Variants in FMN1 observed in about 807,000 individuals in gnomAD.
The protein encoded by FMN1 is formin-1.
A neutral mutation model predicts 132.4 loss-of-function variants in FMN1; 110 were observed. The observed-to-expected ratio is 0.83, with a 90% CI of 0.71 to 0.97. The LOEUF (loss-of-function observed/expected upper bound fraction) is 0.97, where lower values mean the gene tolerates loss of function less well. Among genes scored for constraint, FMN1 ranks in the 50% least tolerant of loss-of-function variants. FMN1 has a pLI of 0.00. For missense variants in FMN1, 1,792 were observed against 1,705.3 expected, an observed-to-expected ratio of 1.05 and a Z score of -0.90; for synonymous variants, 722 against 651.7, an observed-to-expected ratio of 1.11 and a Z score of -1.64.
intron 7 of FMN1, among the ~76,000 whole-genome samples, chr15:33,006,664 T>TA (rs545342179): frequency 1.0e-3 from 157 of 152,022 alleles, no homozygotes; most frequent in African/African-American, 3.3e-3. Flanking sequence ...GACAAATGGT[T>TA]AAAAAAAATG....
intron 4 of FMN1, among the ~76,000 whole-genome samples, chr15:33,125,523 G>C (rs1186568833): frequency 6.6e-6 from 1 of 151,972 alleles, no homozygotes; most frequent in Non-Finnish European, 1.5e-5. Context: ...CTCAAATTTG[G>C]ATATCTAAAT....
chr15:33,080,404 A>G (rs140723510), intron 5 of FMN1, among the ~76,000 whole-genome samples: 3,037 of 152,222 alleles, frequency 0.02, 61 homozygotes, highest in South Asian at 0.092. Flanking sequence ...CTTTGTGTTA[A>G]CCACTAGACA....
chr15:32,878,286 C>T (rs547270364), intron 16 of FMN1, among the ~76,000 whole-genome samples: 4 of 152,086 alleles, frequency 2.6e-5, no homozygotes, highest in Non-Finnish European at 5.9e-5. Context: ...ACTGGAAAGG[C>T]AGAAGTGGTT....
At chr15:32,922,529 G>C (rs2060856027) in intron 10 of FMN1, among the ~76,000 whole-genome samples, 1 of 152,184 alleles carries the variant, frequency 6.6e-6, no homozygotes, top group South Asian at 2.1e-4. Context: ...TGAATGGAGA[G>C]TGTAGGCTGT....
At chr15:32,992,647 G>GT (rs2033506616) in intron 7 of FMN1, among the ~76,000 whole-genome samples, 2 of 152,146 alleles carry the variant, frequency 1.3e-5, no homozygotes, top group Admixed American at 1.3e-4. Context: ...TAACTTAGAT[G>GT]TTTAATTCAC....
At chr15:32,974,036 A>G (rs1209079895) in intron 7 of FMN1, among the ~76,000 whole-genome samples, 1 of 152,196 alleles carries the variant, frequency 6.6e-6, no homozygotes, top group Non-Finnish European at 1.5e-5. Flanking sequence ...AGGAAGTGTC[A>G]AAACCAGTCC....
intron 9 of FMN1, among the ~76,000 whole-genome samples, chr15:32,962,243 A>C (rs185468335): frequency 5.9e-5 from 9 of 152,310 alleles, no homozygotes; most frequent in Admixed American, 5.9e-4. Flanking sequence ...TACAGCAGCC[A>C]CTAGGCATAA....
At chr15:32,775,456 C>T (rs900957693) in intron 20 of FMN1, among the ~76,000 whole-genome samples, 1 of 152,132 alleles carries the variant, frequency 6.6e-6, no homozygotes, top group African/African-American at 2.4e-5. Flanking sequence ...GGGGAACAAG[C>T]TTGGCTGTAA....
At chr15:32,893,532 C>T (rs1392387305) in intron 15 of FMN1, among the ~76,000 whole-genome samples, 3 of 152,246 alleles carry the variant, frequency 2.0e-5, no homozygotes, top group African/African-American at 7.2e-5. Context: ...GGACCAAAAA[C>T]CAGGCATGAG....
In FMN1 at chr15:33,081,454, CAT is replaced by C. The variant is rs561031704; in HGVS notation, c.2043+7343_2043+7344del. ...TTTGAAAGACCCAGGATACCTGGTG[CAT>C]GCCTGAGGAATCTAGTGTCCCATAT... On this transcript the variant is annotated intron_variant, in intron 5 of 20. Coordinates refer to ENST00000616417, the MANE Select transcript of FMN1 (RefSeq NM_001277313.2). Among the ~76,000 whole-genome samples, 17 of 152,262 alleles carry C rather than the reference CAT, an allele frequency of 1.1e-4. No homozygotes were observed. The South Asian group carries it at 3.5e-3, about 32-fold the overall frequency.
At chr15:33,016,674 C>CA (rs2035065286) in intron 6 of FMN1, among the ~76,000 whole-genome samples, 1 of 152,202 alleles carries the variant, frequency 6.6e-6, no homozygotes, top group African/African-American at 2.4e-5. Flanking sequence ...AGCGGGCCTT[C>CA]AACCAGCACA....
rs2056106246 is a variant in FMN1, at chr15:32,768,072, TG to T, written c.*6237del. On this transcript the variant is annotated 3_prime_UTR_variant, in exon 21 of 21. Coordinates refer to ENST00000616417, the MANE Select transcript of FMN1 (RefSeq NM_001277313.2). The stretch of plus-strand genomic sequence containing the variant: ...TTCAAATGTCCTTTTAGTCCCTTAC[TG>T]GGAAGAGCAGTATAATTTTTGTATG... 1 of 152,338 alleles carries T rather than the reference TG, an allele frequency of 6.6e-6. No homozygotes were observed. The highest frequency in any genetic ancestry group is 2.1e-4 in the South Asian group (1 of 4,824). The allele number at this position is 152,338 out of a possible 1,614,324, so 9.4% of individuals were successfully genotyped here. A position where few individuals can be genotyped will look rare whatever the true frequency, so the allele number is the denominator to read the frequency against.
rs775788063 is a variant in FMN1, at chr15:32,804,334, T to A, written c.3929-2A>T. The A allele has an allele frequency of 6.4e-7, 1 of 1,556,368 alleles. No homozygotes were observed. Among genetic ancestry groups the A allele is most frequent in the South Asian group, 1.2e-5 (1 of 84,352 alleles). On this transcript the variant is annotated splice_acceptor_variant, in intron 17 of 20. Transcript: ENST00000616417. LOFTEE classifies it high-confidence loss of function. ...CTTCCATCTTATGCTCTTTTTTGGCTGTAAAAGATAAATCATGATTAAAAA... is the reference window on the plus strand; with the variant it reads ...CTTCCATCTTATGCTCTTTTTTGGCAGTAAAAGATAAATCATGATTAAAAA...
chr15:32,789,405 G>A (rs145938789), intron 19 of FMN1, among the ~76,000 whole-genome samples: 483 of 152,210 alleles, frequency 3.2e-3, no homozygotes, highest in Non-Finnish European at 5.6e-3. Context: ...TATCACTTGA[G>A]ACATAATATT....
At chr15:32,941,619 T>G (rs561727410) in intron 9 of FMN1, among the ~76,000 whole-genome samples, 22 of 152,220 alleles carry the variant, frequency 1.4e-4, no homozygotes, top group Admixed American at 2.6e-4. Context: ...TGTCCTCATA[T>G]GCATATTACC....
Position 33,179,279 on chromosome 15 carries a change from T to A in FMN1, c.-132+919A>T, listed in dbSNP as rs181024424. Among the ~76,000 whole-genome samples the A allele has an allele frequency of 3.0e-4, 45 of 151,994 alleles. 2 individuals are homozygous for A. In the Middle Eastern group the frequency reaches 0.014, roughly 46 times the overall value. On this transcript the variant is annotated intron_variant, in intron 3 of 20. Transcript: ENST00000616417. ...GGAAATGTGAAAAGTAAAGAAAAAA[T>A]TTTTTAATGCTCTCAGAGACTAAAC...
chr15:32,984,795 A>C (rs929852857), intron 7 of FMN1, among the ~76,000 whole-genome samples: 1 of 152,090 alleles, frequency 6.6e-6, no homozygotes, highest in African/African-American at 2.4e-5. Flanking sequence ...TGTCATGAGA[A>C]TGTAACCTTC....
intron 10 of FMN1, among the ~76,000 whole-genome samples, chr15:32,924,916 A>G (rs1262656319): frequency 6.6e-6 from 1 of 152,228 alleles, no homozygotes; most frequent in Non-Finnish European, 1.5e-5. Context: ...CTCCGTCTCA[A>G]AACAAACCAA....
At chr15:32,931,318 A>G (rs1317237364) in intron 9 of FMN1, among the ~76,000 whole-genome samples, 2 of 152,226 alleles carry the variant, frequency 1.3e-5, no homozygotes, top group East Asian at 3.8e-4. Flanking sequence ...CTTTCAATCC[A>G]TAAACATGAG....
Sources: allele counts gnomAD v4.1 joint callset (sites outside exome capture counted in the v4.1 genomes callset), GRCh38; gene constraint gnomAD v4.1.1; transcripts MANE v1.5; gene names NCBI Gene and HGNC (gene_info 2026-07-23, HGNC 2026-07-21).